The following SCYL3 variants were observed in gnomAD, a reference collection of about 807,000 sequenced individuals.
SCYL3 encodes protein-associating with the carboxyl-terminal domain of ezrin.
In SCYL3, 35 loss-of-function variants were observed where a neutral mutation model predicts 73.8. That is an observed-to-expected ratio of 0.47 (90% CI 0.36 to 0.63). SCYL3 has a LOEUF of 0.63. Ranked by LOEUF, SCYL3 falls within the 20% of genes least tolerant of loss-of-function variation. SCYL3 has a pLI of 0.00. For synonymous variants in SCYL3, 277 were observed against 295.2 expected (o/e 0.94, Z 0.63); for missense variants, 712 against 798.9 (o/e 0.89, Z 1.31).
At chr1:169,858,360 G>A (rs1225153583) in intron 11 of SCYL3, among the ~76,000 whole-genome samples, 1 of 152,134 alleles carries the variant, frequency 6.6e-6, no homozygotes, top group African/African-American at 2.4e-5. Flanking sequence ...CAATTTCACT[G>A]TCTTTGACCT....
At position 169,852,759 on chromosome 1, in the gene SCYL3, T is replaced by C. The variant is rs1388334916; in HGVS notation, c.*954A>G. ...GAAGGTTCTTTATATTTAGAATGGA[T>C]ATTGTGATATTACTTATGTTTTTTT... On this transcript the variant is annotated 3_prime_UTR_variant, in exon 13 of 13. Coordinates refer to ENST00000367771, the MANE Select transcript of SCYL3 (RefSeq NM_020423.7). 1 of 1,604,510 alleles carries C rather than the reference T, an allele frequency of 6.2e-7. No homozygotes were observed.
chr1:169,885,877 A>T (rs965422364), intron 2 of SCYL3, among the ~76,000 whole-genome samples: 1 of 152,208 alleles, frequency 6.6e-6, no homozygotes, highest in African/African-American at 2.4e-5. Context: ...GTGGGGAGCA[A>T]GTAGCTGGCC....
At chr1:169,869,188 A>G (rs187200867) in intron 6 of SCYL3, 149 bp from the exon 7 acceptor site, 19 of 618,104 alleles carry the variant, frequency 3.1e-5, no homozygotes, top group Non-Finnish European at 5.5e-5. Flanking sequence ...TGCTTGCCTT[A>G]GGCAAAACTC....
chr1:169,852,990 C>CTT lies in SCYL3; in HGVS notation c.*721_*722dup. On this transcript the variant is annotated 3_prime_UTR_variant, in exon 13 of 13. Transcript: ENST00000367771. Reference sequence around the variant, plus strand: ...GTTACATACATACTCTAGGGTGAAACTTATCACTAGGCAGAACTGGGTTTG... The same window carrying CTT: ...GTTACATACATACTCTAGGGTGAAACTTTTATCACTAGGCAGAACTGGGTTTG... The CTT allele has an allele frequency of 1.9e-6, 3 of 1,610,506 alleles. No individual in the cohort carries two copies. The highest frequency in any genetic ancestry group is 3.4e-5 in the Admixed American group (2 of 59,542).
At chr1:169,870,212 T>C (rs1013945103) in intron 6 of SCYL3, 43 bp downstream of exon 6, 6 of 1,334,436 alleles carry the variant, frequency 4.5e-6, no homozygotes, top group Non-Finnish European at 6.4e-6. Context: ...ATGGATGATT[T>C]TCCTACTTAT....
Position 169,878,669 on chromosome 1 carries a change from C to T in SCYL3, c.316G>A (p.Asp106Asn). 1 of 1,613,924 alleles carries T rather than the reference C, an allele frequency of 6.2e-7. No individual in the cohort carries two copies. The highest frequency in any genetic ancestry group is 1.1e-5 in the South Asian group (1 of 91,028). Reference sequence around the variant, plus strand: ...AGGAAGATAAGAGCCAGCAATATGTCATAGATCCCAGCACAGACCTCTGCA... The same window carrying T: ...AGGAAGATAAGAGCCAGCAATATGTTATAGATCCCAGCACAGACCTCTGCA... Reference protein sequence around the residue: ...SSAEVCAGIYDILLALIFLHD... With the variant: ...SSAEVCAGIYNILLALIFLHD... Residue 106 changes from aspartate (D) to asparagine (N), a missense_variant, in exon 3 of 13, where the codon GAC (aspartate) becomes AAC (asparagine). Asp to Asn is a conservative substitution (Grantham distance 23, BLOSUM62 1). Around this residue, in one of 2 missense-constraint regions of SCYL3, gnomAD observed 342 missense variants for 448.1 expected, o/e 0.76. Transcript: ENST00000367771.
intron 4 of SCYL3, among the ~76,000 whole-genome samples, chr1:169,875,708 G>T (rs1660748058): frequency 6.6e-6 from 1 of 152,216 alleles, no homozygotes; most frequent in Non-Finnish European, 1.5e-5. Context: ...GGGCAGAGAG[G>T]AGGGGCATTT....
At chr1:169,884,125 G>A (rs537974490) in intron 2 of SCYL3, among the ~76,000 whole-genome samples, 77 of 152,020 alleles carry the variant, frequency 5.1e-4, no homozygotes, top group African/African-American at 1.7e-3. Context: ...TGTTACCCTC[G>A]AGTTAATTCA....
At chr1:169,868,814 C>G (rs757850266) in intron 7 of SCYL3, 114 bp downstream of exon 7, 1 of 656,384 alleles carries the variant, frequency 1.5e-6, no homozygotes, top group Non-Finnish European at 2.7e-6. Context: ...TAATTAACAA[C>G]AGAAACTGCA....
At position 169,853,090 on chromosome 1, in the gene SCYL3, C is replaced by G. The variant is rs1658633652; in HGVS notation, c.*623G>C. ...TAAAACAAATTTTGTAAAGTTGAAT[C>G]TAGTGAAAATAATCTTTATTTGACA... On this transcript the variant is annotated 3_prime_UTR_variant, in exon 13 of 13. Transcript: ENST00000367771. The G allele has an allele frequency of 9.4e-7, 1 of 1,059,900 alleles. No individual in the cohort carries two copies. Among genetic ancestry groups the G allele is most frequent in the Non-Finnish European group, 1.4e-6 (1 of 717,500 alleles). The allele number at this position is 1,059,900 out of a possible 1,614,324, so 65.7% of individuals were successfully genotyped here. A position where few individuals can be genotyped will look rare whatever the true frequency, so the allele number is the denominator to read the frequency against.
At chr1:169,867,340 G>A (rs886265078) in intron 7 of SCYL3, among the ~76,000 whole-genome samples, 1 of 152,198 alleles carries the variant, frequency 6.6e-6, no homozygotes, top group African/African-American at 2.4e-5. Context: ...AGTCTCCTTT[G>A]ATGAAATAAA....
At chr1:169,862,949 G>A in intron 9 of SCYL3, 152 bp from the exon 10 acceptor site, 1 of 719,508 alleles carries the variant, frequency 1.4e-6, no homozygotes, top group East Asian at 2.8e-5. Context: ...GTCTCACTCT[G>A]TCACCCATGC....
intron 8 of SCYL3, among the ~76,000 whole-genome samples, chr1:169,866,118 T>C (rs1295907661): frequency 6.6e-6 from 1 of 152,236 alleles, no homozygotes; most frequent in East Asian, 1.9e-4. Flanking sequence ...CAAACCAACA[T>C]ATCCAACACT....
rs1658606926 is a variant in SCYL3, at chr1:169,852,962, AAC to A, written c.*749_*750del. The A allele has an allele frequency of 1.2e-6, 2 of 1,614,096 alleles. No homozygotes were observed. The highest frequency in any genetic ancestry group is 1.6e-4 in the Middle Eastern group (1 of 6,062). ...CTCCAAGAAAGGATGGATAAGCTAA[AAC>A]GTTACATACATACTCTAGGGTGAAA... On this transcript the variant is annotated 3_prime_UTR_variant, in exon 13 of 13. Coordinates refer to ENST00000367771, the MANE Select transcript of SCYL3 (RefSeq NM_020423.7).
intron 4 of SCYL3, 46 bp downstream of exon 4, chr1:169,875,932 C>T (rs753556463): frequency 3.0e-5 from 38 of 1,250,772 alleles, no homozygotes; most frequent in Middle Eastern, 1.9e-4. Context: ...CATACCAAGA[C>T]GCTATTAAAA....
chr1:169,858,857 TAAA>T (rs1018163723), intron 11 of SCYL3, among the ~76,000 whole-genome samples, 181 bp downstream of exon 11: 2 of 151,204 alleles, frequency 1.3e-5, no homozygotes, highest in African/African-American at 4.9e-5. Context: ...TTTGCAAGCT[TAAA>T]AAAAAAGTAT....
intron 4 of SCYL3, among the ~76,000 whole-genome samples, chr1:169,873,955 T>TA (rs1323853721): frequency 1.3e-5 from 2 of 152,214 alleles, no homozygotes; most frequent in African/African-American, 4.8e-5. Context: ...CAAGGCACAG[T>TA]AATAAATGGT....
In SCYL3 at chr1:169,851,398, G is replaced by T. The variant is rs1463564351; in HGVS notation, c.*2315C>A. 1 of 156,638 alleles carries T rather than the reference G, an allele frequency of 6.4e-6. No homozygotes were observed. Among genetic ancestry groups the T allele is most frequent in the Non-Finnish European group, 1.4e-5 (1 of 71,324 alleles). 9.7% of individuals were successfully genotyped at this position (156,638 alleles called of 1,614,324 possible). A position where few individuals can be genotyped will look rare whatever the true frequency, so the allele number is the denominator to read the frequency against. ...CGCTCTGTCGCCCAGATTGGAGTGTGGTGGTGTGATCATAGCTCGCTATAA... is the reference window on the plus strand; with the variant it reads ...CGCTCTGTCGCCCAGATTGGAGTGTTGTGGTGTGATCATAGCTCGCTATAA... On this transcript the variant is annotated 3_prime_UTR_variant, in exon 13 of 13. Transcript: ENST00000367771.
intron 1 of SCYL3, among the ~76,000 whole-genome samples, chr1:169,891,272 T>TG (rs1662067077): frequency 6.6e-6 from 1 of 152,178 alleles, no homozygotes; most frequent in African/African-American, 2.4e-5. Flanking sequence ...AAGCAAACAC[T>TG]GGGACCGTAG....
Sources: allele counts gnomAD v4.1 joint callset (sites outside exome capture counted in the v4.1 genomes callset), GRCh38; gene constraint gnomAD v4.1.1; regional missense constraint gnomAD v4.1.1; transcripts MANE v1.5; gene names NCBI Gene and HGNC (gene_info 2026-07-23, HGNC 2026-07-21).